Variants in SOX6 observed in about 807,000 individuals in gnomAD.
The protein encoded by SOX6 is transcription factor SOX-6.
SOX6 carries 11 observed loss-of-function variants against 97.8 expected under a neutral mutation model. That is an observed-to-expected ratio of 0.11 (90% CI 0.07 to 0.19). The LOEUF (loss-of-function observed/expected upper bound fraction) is 0.19, where lower values mean the gene tolerates loss of function less well. Among genes scored for constraint, SOX6 ranks in the 10% least tolerant of loss-of-function variants. The pLI is 1.00. For missense variants in SOX6, 810 were observed against 1,039.5 expected, an observed-to-expected ratio of 0.78 and a Z score of 3.04; for synonymous variants, 360 against 371.4, an observed-to-expected ratio of 0.97 and a Z score of 0.35.
intron 3 of SOX6, among the ~76,000 whole-genome samples, chr11:16,678,879 T>C (rs1847904596): frequency 6.6e-6 from 1 of 152,162 alleles, no homozygotes; most frequent in Non-Finnish European, 1.5e-5. Context: ...TGACCTGCGA[T>C]GCTGCAGATT....
At chr11:15,996,599 C>T (rs1260597492) in intron 13 of SOX6, among the ~76,000 whole-genome samples, 1 of 151,950 alleles carries the variant, frequency 6.6e-6, no homozygotes, top group Non-Finnish European at 1.5e-5. Context: ...GGTGATGGAA[C>T]AAGACCTTGA....
intron 3 of SOX6, among the ~76,000 whole-genome samples, chr11:16,265,673 T>C (rs1854063538): frequency 6.6e-6 from 1 of 151,864 alleles, no homozygotes; most frequent in Non-Finnish European, 1.5e-5. Flanking sequence ...AAAAGAGTTA[T>C]TAAAACTATA....
intron 12 of SOX6, among the ~76,000 whole-genome samples, chr11:16,022,392 T>TTCCTTCCTTCCTTCCTTC (rs1855092582): frequency 7.0e-6 from 1 of 143,552 alleles, no homozygotes; most frequent in African/African-American, 2.6e-5. Flanking sequence ...CCTCCCTTCC[T>TTCCTTCCTTCCTTCCTTC]CTCTCTCTCT....
chr11:16,625,145 GT>G (rs983932072), intron 3 of SOX6, among the ~76,000 whole-genome samples: 9 of 152,062 alleles, frequency 5.9e-5, no homozygotes, highest in African/African-American at 1.9e-4. Flanking sequence ...CACATTATTA[GT>G]TTTTTTCTTT....
At chr11:16,641,768 C>A (rs1346414636) in intron 3 of SOX6, among the ~76,000 whole-genome samples, 1 of 152,154 alleles carries the variant, frequency 6.6e-6, no homozygotes, top group Non-Finnish European at 1.5e-5. Flanking sequence ...GGTACATCTT[C>A]CTCCATCCCT....
intron 6 of SOX6, among the ~76,000 whole-genome samples, chr11:16,149,287 A>T (rs986921323): frequency 6.6e-6 from 1 of 152,130 alleles, no homozygotes; most frequent in South Asian, 2.1e-4. Context: ...CTAGAGAGAT[A>T]TATTGCACTT....
intron 4 of SOX6, among the ~76,000 whole-genome samples, chr11:16,190,733 A>G (rs1010312920): frequency 1.3e-5 from 2 of 152,188 alleles, no homozygotes; most frequent in African/African-American, 2.4e-5. Context: ...CAAATTAGGG[A>G]AAAAACACCA....
chr11:16,707,331 A>T (rs925928509), intron 3 of SOX6, among the ~76,000 whole-genome samples: 2 of 151,836 alleles, frequency 1.3e-5, no homozygotes, highest in Non-Finnish European at 2.9e-5. Context: ...CTTAATGAGG[A>T]ATGTTAAAAA....
At position 16,019,578 on chromosome 11, in the gene SOX6, C is replaced by T. The variant is rs192534575; in HGVS notation, c.1624-4528G>A. The stretch of plus-strand genomic sequence containing the variant: ...TGTGTTATGAACTAATTGCCAAATA[C>T]TCTATTTATGTATATATAAGACAGT... On this transcript the variant is annotated intron_variant, in intron 12 of 15. Coordinates refer to ENST00000683767, the MANE Select transcript of SOX6 (RefSeq NM_001367873.1). Among the ~76,000 whole-genome samples, 245 of 152,170 alleles carry T rather than the reference C, an allele frequency of 1.6e-3. 1 individual carries two copies. Among genetic ancestry groups the T allele is most frequent in the African/African-American group, 5.6e-3 (234 of 41,544 alleles).
At chr11:16,053,809 C>G (rs1564928449) in intron 10 of SOX6, among the ~76,000 whole-genome samples, 3 of 152,050 alleles carry the variant, frequency 2.0e-5, no homozygotes, top group African/African-American at 7.2e-5. Flanking sequence ...AGAGAAAAAG[C>G]AATGACTATA....
At chr11:16,378,025 T>C (rs1857689703) in intron 1 of SOX6, among the ~76,000 whole-genome samples, 1 of 152,156 alleles carries the variant, frequency 6.6e-6, no homozygotes, top group Admixed American at 6.6e-5. Context: ...AGGAATTTAC[T>C]CCACAGATGT....
chr11:16,591,318 C>CATAGATAGATAGATAGACAG (rs557537916), intron 4 of SOX6, among the ~76,000 whole-genome samples: 5,373 of 123,394 alleles, frequency 0.044, 125 homozygotes, highest in Non-Finnish European at 0.055. Context: ...TGGTTAGATA[C>CATAGATAGATAGATAGACAG]ATAGATAGAT....
intron 9 of SOX6, among the ~76,000 whole-genome samples, chr11:16,089,399 A>T (rs1848637685): frequency 6.6e-6 from 1 of 152,138 alleles, no homozygotes; most frequent in Non-Finnish European, 1.5e-5. Context: ...TGATTTTTTA[A>T]AATCCACATA....
chr11:16,212,132 C>A (rs550898474), intron 4 of SOX6, among the ~76,000 whole-genome samples: 1 of 152,126 alleles, frequency 6.6e-6, no homozygotes, highest in Non-Finnish European at 1.5e-5. Flanking sequence ...ACACTGTAAA[C>A]AGATATGAGG....
intron 3 of SOX6, among the ~76,000 whole-genome samples, chr11:16,302,302 A>G (rs969649796): frequency 2.6e-5 from 4 of 152,314 alleles, no homozygotes; most frequent in African/African-American, 9.6e-5. Flanking sequence ...CAATTTCTGT[A>G]ATAATGGCTT....
intron 3 of SOX6, among the ~76,000 whole-genome samples, chr11:16,251,758 A>G (rs1853518525): frequency 6.6e-6 from 1 of 152,178 alleles, no homozygotes; most frequent in Non-Finnish European, 1.5e-5. Flanking sequence ...TATGAAAAAA[A>G]AATAACTTCC....
At chr11:16,105,643 G>A (rs950494206) in intron 7 of SOX6, among the ~76,000 whole-genome samples, 3 of 152,052 alleles carry the variant, frequency 2.0e-5, no homozygotes, top group East Asian at 3.9e-4. Context: ...CCTTAAGATC[G>A]AGAACAAGAC....
intron 1 of SOX6, among the ~76,000 whole-genome samples, chr11:16,462,628 C>T (rs1327377624): frequency 6.6e-6 from 1 of 152,136 alleles, no homozygotes; most frequent in East Asian, 1.9e-4. Flanking sequence ...TTATTAATAA[C>T]AATGAAAAAA....
At chr11:15,994,848 A>C (rs1306136154) in intron 13 of SOX6, among the ~76,000 whole-genome samples, 2 of 152,192 alleles carry the variant, frequency 1.3e-5, no homozygotes, top group Admixed American at 1.3e-4. Flanking sequence ...ACTCTGAACA[A>C]AATATGAAAA....
Sources: gnomAD v4.1 joint callset for allele counts (sites outside exome capture counted in the v4.1 genomes callset) on GRCh38, gnomAD v4.1.1 for gene constraint, MANE v1.5 for transcripts, NCBI Gene and HGNC (gene_info 2026-07-23, HGNC 2026-07-21) for gene names.